The following GABRA3 variants were observed in gnomAD, a reference collection of about 807,000 sequenced individuals.
GABRA3 encodes gamma-aminobutyric acid type A receptor subunit alpha3.
GABRA3 carries 10 observed loss-of-function variants against 30.1 expected under a neutral mutation model. That is an observed-to-expected ratio of 0.33 (90% confidence interval 0.20 to 0.56). The LOEUF (loss-of-function observed/expected upper bound fraction) is 0.56. Ranked by LOEUF, GABRA3 falls within the 20% of genes least tolerant of loss-of-function variation. The pLI, the probability that GABRA3 is intolerant of heterozygous loss-of-function variation, is 0.89. For synonymous variants in GABRA3, 151 were observed against 146.8 expected, an observed-to-expected ratio of 1.03 and a Z score of -0.21; for missense variants, 233 against 392.0, an observed-to-expected ratio of 0.59 and a Z score of 3.42.
At chrX:152,391,532 T>A (rs1014313822) in intron 1 of GABRA3, among the ~76,000 whole-genome samples, 1 of 111,329 alleles carries the variant, frequency 9.0e-6, no homozygotes, top group African/African-American at 3.3e-5. Context: ...AATGATCACA[T>A]GGAAGAAAAA....
intron 5 of GABRA3, among the ~76,000 whole-genome samples, chrX:152,230,809 C>G (rs918686189): frequency 1.9e-4 from 21 of 110,384 alleles, no homozygotes; most frequent in Admixed American, 2.9e-4. Context: ...AATCAACTAA[C>G]AATGGATCAT....
At chrX:152,214,631 T>C (rs908063180) in intron 6 of GABRA3, among the ~76,000 whole-genome samples, 1 of 111,288 alleles carries the variant, frequency 9.0e-6, no homozygotes, top group African/African-American at 3.3e-5. Flanking sequence ...GGTGTTTTGA[T>C]AGCAATCGTA....
At chrX:152,190,713 G>A (rs898193978) in intron 8 of GABRA3, among the ~76,000 whole-genome samples, 7 of 109,971 alleles carry the variant, frequency 6.4e-5, no homozygotes, top group Non-Finnish European at 9.5e-5. Flanking sequence ...AAACTATTCC[G>A]AAATCTGTTT....
At chrX:152,246,900 T>A (rs1938469813) in intron 5 of GABRA3, among the ~76,000 whole-genome samples, 1 of 111,899 alleles carries the variant, frequency 8.9e-6, no homozygotes, top group African/African-American at 3.2e-5. Context: ...GCTTGGTTGA[T>A]CTGATTACAT....
intron 4 of GABRA3, among the ~76,000 whole-genome samples, chrX:152,278,222 T>C (rs1315759266): frequency 9.1e-6 from 1 of 109,717 alleles, no homozygotes; most frequent in East Asian, 2.9e-4. Flanking sequence ...ACTTGTCATT[T>C]AACATTAGGT....
intron 2 of GABRA3, among the ~76,000 whole-genome samples, chrX:152,353,514 A>G (rs1476062061): frequency 1.8e-5 from 2 of 111,772 alleles, no homozygotes; most frequent in African/African-American, 6.5e-5. Context: ...CATAGTGCCA[A>G]TGCATGAGCA....
chrX:152,225,046 G>C (rs1194569150), intron 5 of GABRA3, among the ~76,000 whole-genome samples: 2 of 109,775 alleles, frequency 1.8e-5, no homozygotes, highest in Non-Finnish European at 3.8e-5. Flanking sequence ...CATATTTTTG[G>C]ATCATATCAT....
Position 152,240,015 on chromosome X carries a change from G to A in GABRA3, c.552-15170C>T, listed in dbSNP as rs1176996735. Among the ~76,000 whole-genome samples, 12 of 95,448 alleles carry A rather than the reference G, an allele frequency of 1.3e-4. No individual in the cohort carries two copies. In the South Asian group the frequency reaches 1.6e-3, roughly 13 times the overall value. 82.9% of individuals were successfully genotyped at this position (95,448 alleles called of 115,157 possible). Reference sequence around the variant, plus strand: ...TTACATTTAAAGTTAATATTGTTATGTGTGAATTTGATCCTGTCATTATGA... The same window carrying A: ...TTACATTTAAAGTTAATATTGTTATATGTGAATTTGATCCTGTCATTATGA... On this transcript the variant is annotated intron_variant, in intron 5 of 9. Transcript: ENST00000370314.
intron 5 of GABRA3, among the ~76,000 whole-genome samples, chrX:152,248,959 A>G (rs1938507193): frequency 8.9e-6 from 1 of 111,902 alleles, no homozygotes; most frequent in Non-Finnish European, 1.9e-5. Flanking sequence ...CAATCAAAAC[A>G]TAAATAAATC....
chrX:152,267,838 A>G (rs1299027626), intron 4 of GABRA3, among the ~76,000 whole-genome samples: 1 of 109,491 alleles, frequency 9.1e-6, no homozygotes, highest in Non-Finnish European at 1.9e-5. Context: ...TATTTCTGAG[A>G]TCTCACTTGT....
At chrX:152,259,166 G>A (rs1938687141) in intron 4 of GABRA3, among the ~76,000 whole-genome samples, 1 of 111,840 alleles carries the variant, frequency 8.9e-6, no homozygotes, top group Non-Finnish European at 1.9e-5. Context: ...TGCCGATGGA[G>A]GGAGTATTTA....
intron 1 of GABRA3, among the ~76,000 whole-genome samples, chrX:152,405,821 G>A (rs990187935): frequency 3.6e-5 from 4 of 111,291 alleles, no homozygotes; most frequent in African/African-American, 1.3e-4. Flanking sequence ...ATTAGTGGTA[G>A]CTAGGCAATA....
At chrX:152,373,188 T>C (rs1002577414) in intron 1 of GABRA3, among the ~76,000 whole-genome samples, 3 of 111,729 alleles carry the variant, frequency 2.7e-5, no homozygotes, top group African/African-American at 9.8e-5. Context: ...GTGTGTTACA[T>C]AGGTAAACAT....
At chrX:152,236,222 CAT>C (rs1292640614) in intron 5 of GABRA3, among the ~76,000 whole-genome samples, 1 of 100,798 alleles carries the variant, frequency 9.9e-6, no homozygotes, top group Non-Finnish European at 2.0e-5. Flanking sequence ...TCAATTCCCA[CAT>C]ATGAGTGAGA....
chrX:152,278,357 G>C (rs991112944), intron 4 of GABRA3, among the ~76,000 whole-genome samples: 1 of 107,895 alleles, frequency 9.3e-6, no homozygotes, highest in Non-Finnish European at 1.9e-5. Flanking sequence ...AGAACATGTG[G>C]TGTTTGGTTT....
chrX:152,284,870 T>C, intron 3 of GABRA3, 135 bp from the exon 4 acceptor site: 1 of 351,162 alleles, frequency 2.8e-6, no homozygotes, highest in Non-Finnish European at 5.1e-6. Flanking sequence ...AAACTTCTCA[T>C]CTGTGCTATC....
At chrX:152,314,976 G>GA (rs901370429) in intron 3 of GABRA3, among the ~76,000 whole-genome samples, 2 of 110,218 alleles carry the variant, frequency 1.8e-5, no homozygotes, top group Non-Finnish European at 3.8e-5. Flanking sequence ...TTTTTTCTAG[G>GA]AAAAAAAATG....
intron 5 of GABRA3, among the ~76,000 whole-genome samples, chrX:152,248,945 A>T (rs112110744): frequency 1.8e-4 from 20 of 111,913 alleles, no homozygotes; most frequent in African/African-American, 6.5e-4. Context: ...ACAATTTTAT[A>T]TGTCAATCAA....
intron 5 of GABRA3, among the ~76,000 whole-genome samples, chrX:152,234,440 T>G (rs1247793802): frequency 9.0e-6 from 1 of 110,906 alleles, no homozygotes; most frequent in Non-Finnish European, 1.9e-5. Flanking sequence ...CTTTTTTGAT[T>G]ATATCTTTTG....
Sources: allele counts gnomAD v4.1 joint callset (sites outside exome capture counted in the v4.1 genomes callset), GRCh38; gene constraint gnomAD v4.1.1; transcripts MANE v1.5; gene names NCBI Gene and HGNC (gene_info 2026-07-23, HGNC 2026-07-21).